ANXA3: variants seen among roughly 807,000 people sequenced by gnomAD.
ANXA3 encodes the protein annexin A3.
Under a neutral mutation model 48.8 loss-of-function variants are expected in ANXA3, and 46 were observed. That is an observed-to-expected ratio of 0.94 (90% CI 0.74 to 1.21). ANXA3 has a LOEUF of 1.21. Ranked by LOEUF, ANXA3 falls within the 50% of genes most tolerant of loss-of-function variation. The probability of loss-of-function intolerance (pLI) is 0.00; values close to 1 mark genes in which losing one functional copy is unlikely to be tolerated. For missense variants in ANXA3, 383 were observed against 378.6 expected (o/e 1.01, Z -0.10); for synonymous variants, 128 against 134.7 (o/e 0.95, Z 0.35).
At chr4:78,583,613 G>GAAA (rs531781049) in intron 5 of ANXA3, among the ~76,000 whole-genome samples, 3 of 112,190 alleles carry the variant, frequency 2.7e-5, no homozygotes, top group Non-Finnish European at 5.9e-5. Flanking sequence ...TGCTGTCTCA[G>GAAA]AAAAAAAAAA....
chr4:78,580,734 A>G (rs970278001), intron 4 of ANXA3, among the ~76,000 whole-genome samples: 4 of 152,168 alleles, frequency 2.6e-5, no homozygotes, highest in African/African-American at 7.2e-5. Context: ...ATCAGATAAC[A>G]TATTATATTG....
In ANXA3 at chr4:78,586,339, C is replaced by G; in HGVS notation, c.392C>G (p.Ala131Gly). ...TSRQMKDISQ[A>G]YYTVYKKSLG... ...AGGCAAATGAAGGATATCTCTCAAG[C>G]CTATTATACAGGTGTCTTATTTTCT... The change falls in exon 6 of 13, where the codon GCC (alanine) becomes GGC (glycine). Residue 131 changes from alanine to glycine, a missense_variant. Physicochemically the swap from Ala to Gly is moderately conservative, Grantham distance 60. Coordinates refer to ENST00000264908, the MANE Select transcript of ANXA3 (RefSeq NM_005139.3). The G allele has an allele frequency of 6.2e-7, 1 of 1,611,870 alleles. No individual in the cohort carries two copies. Among genetic ancestry groups the G allele is most frequent in the South Asian group, 1.1e-5 (1 of 90,918 alleles).
chr4:78,562,780 TG>T (rs1032020157), intron 2 of ANXA3, among the ~76,000 whole-genome samples: 3 of 152,018 alleles, frequency 2.0e-5, no homozygotes, highest in Non-Finnish European at 2.9e-5. Flanking sequence ...ATAAATATGA[TG>T]GGGGGTGTGA....
intron 12 of ANXA3, among the ~76,000 whole-genome samples, chr4:78,604,674 G>T (rs1723611421): frequency 1.3e-5 from 2 of 152,094 alleles, no homozygotes; most frequent in African/African-American, 4.8e-5. Flanking sequence ...TTGTTTACCT[G>T]TTTTTTATAT....
At chr4:78,570,583 G>A (rs1722823605) in intron 2 of ANXA3, among the ~76,000 whole-genome samples, 1 of 152,154 alleles carries the variant, frequency 6.6e-6, no homozygotes, top group Non-Finnish European at 1.5e-5. Flanking sequence ...TACAGAGACT[G>A]CACTTCATGA....
At chr4:78,588,045 G>A (rs190519630) in intron 6 of ANXA3, among the ~76,000 whole-genome samples, 10 of 152,248 alleles carry the variant, frequency 6.6e-5, no homozygotes, top group African/African-American at 2.2e-4. Flanking sequence ...ACAGTGAGCC[G>A]AGATGGTGCC....
chr4:78,582,390 G>A, intron 5 of ANXA3, 100 bp downstream of exon 5: 2 of 762,522 alleles, frequency 2.6e-6, no homozygotes, highest in South Asian at 1.7e-5. Flanking sequence ...GGACTTGGAT[G>A]CCCTTTTGGT....
In ANXA3 at chr4:78,551,808, C is replaced by T. The variant is rs1349872879; in HGVS notation, c.-90C>T. On this transcript the variant is annotated 5_prime_UTR_variant, in exon 1 of 13. Coordinates refer to ENST00000264908, the MANE Select transcript of ANXA3 (RefSeq NM_005139.3). ...TGCGCCCGCGGCTGACACCTTCGCT[C>T]GCAGTTTGTTCGCAGTTTACTCGCA... 6.6e-6 allele frequency: 1 copy of T among 152,294 alleles called. No homozygotes were observed. The highest frequency in any genetic ancestry group is 1.9e-4 in the East Asian group (1 of 5,196). The allele number at this position is 152,294 out of a possible 1,614,324, so 9.4% of individuals were successfully genotyped here. A position where few individuals can be genotyped will look rare whatever the true frequency, so the allele number is the denominator to read the frequency against.
chr4:78,574,566 A>G (rs1722909927), intron 3 of ANXA3, among the ~76,000 whole-genome samples: 2 of 151,144 alleles, frequency 1.3e-5, no homozygotes. Context: ...CTACATATAC[A>G]TGTACATATT....
intron 2 of ANXA3, among the ~76,000 whole-genome samples, chr4:78,564,846 G>C (rs1722696795): frequency 6.6e-6 from 1 of 152,110 alleles, no homozygotes; most frequent in African/African-American, 2.4e-5. Context: ...TGAAGTGTGG[G>C]AACTCTACCT....
chr4:78,574,154 C>T (rs1373676379), intron 3 of ANXA3, among the ~76,000 whole-genome samples: 2 of 152,186 alleles, frequency 1.3e-5, no homozygotes, highest in African/African-American at 4.8e-5. Flanking sequence ...CATGGTGGCT[C>T]CTGCCTGTGA....
chr4:78,569,379 A>G (rs1313699144), intron 2 of ANXA3, among the ~76,000 whole-genome samples: 2 of 152,216 alleles, frequency 1.3e-5, no homozygotes, highest in East Asian at 1.9e-4. Context: ...ATTGATTAGT[A>G]ATATAAATGT....
rs112477936 is a variant in ANXA3 at position 78,595,540 on chromosome 4, C to CTTTTTTT, written c.540+110_540+116dup. 245 of 992,048 alleles carry CTTTTTTT rather than the reference C, an allele frequency of 2.5e-4. 1 individual carries two copies. The African/African-American group carries it at 3.3e-3, about 13-fold the overall frequency. The allele number at this position is 992,048 out of a possible 1,614,324, so 61.5% of individuals were successfully genotyped here. A position where few individuals can be genotyped will look rare whatever the true frequency, so the allele number is the denominator to read the frequency against. ...AAAAATAGCAGCAACAGGGACTTTTCTTTTTTTTTTTTTCCTGTTTGAAAG... is the reference window on the plus strand; with the variant it reads ...AAAAATAGCAGCAACAGGGACTTTTCTTTTTTTTTTTTTTTTTTTTCCTGTTTGAAAG... On this transcript the variant is annotated intron_variant, in intron 8 of 12. Transcript: ENST00000264908.
At chr4:78,552,911 T>C (rs920626169) in intron 1 of ANXA3, among the ~76,000 whole-genome samples, 4 of 152,214 alleles carry the variant, frequency 2.6e-5, no homozygotes, top group Non-Finnish European at 4.4e-5. Context: ...GAAACCTGTT[T>C]AGAAATAACC....
intron 3 of ANXA3, among the ~76,000 whole-genome samples, chr4:78,575,361 T>TCATCTTGTAGCTTC (rs1428715271): frequency 1.3e-5 from 2 of 152,284 alleles, no homozygotes; most frequent in East Asian, 3.9e-4. Context: ...CACCCAAATC[T>TCATCTTGTAGCTTC]CATCTTGTAG....
In ANXA3 at chr4:78,582,289, A is replaced by C; in HGVS notation, c.311A>C (p.Lys104Thr). Residue 104 changes from lysine (K) to threonine (T), a missense_variant and splice_region_variant, in exon 5 of 13, where the codon AAG becomes ACG. Coordinates refer to ENST00000264908, the MANE Select transcript of ANXA3 (RefSeq NM_005139.3). ...FDAKQLKKSM[K>T]GAGTNEDALI... is the part of the protein sequence containing the mutation. ...GCAAAGCAGCTAAAGAAATCCATGAAGGTATGAGCCCCCCACAAGCCATTT... is the reference window on the plus strand; with the variant it reads ...GCAAAGCAGCTAAAGAAATCCATGACGGTATGAGCCCCCCACAAGCCATTT... The C allele has an allele frequency of 6.2e-7, 1 of 1,603,266 alleles. No homozygotes were observed. The highest frequency in any genetic ancestry group is 8.5e-7 in the Non-Finnish European group (1 of 1,170,544).
Position 78,554,176 on chromosome 4 carries a change from C to A in ANXA3, c.-38-260C>A, listed in dbSNP as rs1463912031. The stretch of plus-strand genomic sequence containing the variant: ...GCTTTTCAGGAAGTATATTTGTAAG[C>A]ATCTTAAGTACAAAGATTTTTTTCT... On this transcript the variant is annotated intron_variant, in intron 1 of 12. Transcript: ENST00000264908. 3.1e-5 allele frequency: 10 copies of A among 318,080 alleles called. No homozygotes were observed. The Admixed American group carries it at 4.4e-4, about 14-fold the overall frequency. 19.7% of individuals were successfully genotyped at this position (318,080 alleles called of 1,614,324 possible).
Position 78,605,100 on chromosome 4 carries a change from C to T in ANXA3, c.912+701C>T, listed in dbSNP as rs1723620633. Among the ~76,000 whole-genome samples the T allele has an allele frequency of 3.9e-5, 6 of 152,152 alleles. No individual in the cohort carries two copies. The South Asian group carries it at 1.2e-3, about 31-fold the overall frequency. ...AGAACTTCTTTCTCCATAGCTTTGG[C>T]ACAGAGGGTATTTTCAAACTTTTAG... On this transcript the variant is annotated intron_variant, in intron 12 of 12. Coordinates refer to ENST00000264908, the MANE Select transcript of ANXA3 (RefSeq NM_005139.3).
chr4:78,607,041 T>A (rs1206889089), intron 12 of ANXA3, among the ~76,000 whole-genome samples: 1 of 152,218 alleles, frequency 6.6e-6, no homozygotes, highest in African/African-American at 2.4e-5. Flanking sequence ...GGTTGAGACA[T>A]AAAGAGGGCT....
Sources: allele counts gnomAD v4.1 joint callset (sites outside exome capture counted in the v4.1 genomes callset), GRCh38; gene constraint gnomAD v4.1.1; transcripts MANE v1.5; gene names NCBI Gene and HGNC (gene_info 2026-07-23, HGNC 2026-07-21).